The following USP42 variants were observed in gnomAD, a reference collection of about 807,000 sequenced individuals.
USP42 encodes ubiquitin specific peptidase 42.
Under a neutral mutation model 113.0 loss-of-function variants are expected in USP42, and 23 were observed. The ratio of observed to expected loss-of-function variants is 0.20; its 90% CI spans 0.15 to 0.29. The LOEUF (loss-of-function observed/expected upper bound fraction) is 0.29. USP42 is among the 10% of genes least tolerant of loss of function. USP42 has a pLI of 1.00. For synonymous variants in USP42, 933 were observed against 699.0 expected, an observed-to-expected ratio of 1.33 and a Z score of -5.28; for missense variants, 2,174 against 1,779.8, an observed-to-expected ratio of 1.22 and a Z score of -3.99.
At chr7:6,142,579 T>C (rs1781492947) in intron 7 of USP42, among the ~76,000 whole-genome samples, 1 of 152,174 alleles carries the variant, frequency 6.6e-6, no homozygotes, top group Non-Finnish European at 1.5e-5. Flanking sequence ...TTCTGTTCCT[T>C]CTTTTAAAAA....
intron 12 of USP42, 52 bp downstream of exon 12, chr7:6,147,944 C>A (rs1781817427): frequency 4.6e-6 from 7 of 1,526,186 alleles, no homozygotes; most frequent in Non-Finnish European, 6.2e-6. Context: ...TAAAATGTAA[C>A]TTCAAACTCT....
Position 6,149,837 on chromosome 7 carries a change from G to T in USP42, c.1641G>T (p.Glu547Asp). The change falls in exon 13 of 18, where the codon GAG becomes GAT. Residue 547 changes from glutamate to aspartate, a missense_variant. Transcript: ENST00000306177. ...SQPNLHSNSL[E>D]NPTKPVPSST... The stretch of plus-strand genomic sequence containing the variant: ...CTAACCTTCATAGTAATTCTTTGGA[G>T]AACCCTACCAAGCCCGTTCCCTCTT... The T allele has an allele frequency of 1.9e-6, 3 of 1,614,004 alleles. No individual in the cohort carries two copies. The highest frequency in any genetic ancestry group is 2.5e-6 in the Non-Finnish European group (3 of 1,179,894).
chr7:6,110,989 A>C (rs190765486), intron 1 of USP42, 136 bp from the exon 2 acceptor site: 6 of 834,206 alleles, frequency 7.2e-6, no homozygotes, highest in Non-Finnish European at 1.1e-5. Context: ...AGAAAGTACT[A>C]TTGTTTTTAT....
the USP42 span, chr7:6,092,946 G>T: frequency 6.6e-6 from 1 of 150,874 alleles, no homozygotes; most frequent in Non-Finnish European, 1.5e-5. Context: ...TTTCATGAGA[G>T]TCTGAAGTAA....
At chr7:6,103,025 G>T (rs543691745), upstream of USP42, among the ~76,000 whole-genome samples, 1 of 151,244 alleles carries the variant, frequency 6.6e-6, no homozygotes, top group Non-Finnish European at 1.5e-5. Flanking sequence ...AGATCACCAG[G>T]GGAGGGAAAG....
At chr7:6,107,046 C>T (rs889914263) in intron 1 of USP42, among the ~76,000 whole-genome samples, 2 of 152,216 alleles carry the variant, frequency 1.3e-5, no homozygotes, top group Non-Finnish European at 2.9e-5. Flanking sequence ...ATGTGTGTAG[C>T]AGATGGAGTT....
intron 14 of USP42, among the ~76,000 whole-genome samples, chr7:6,151,493 A>G (rs756824398): frequency 2.6e-5 from 4 of 152,228 alleles, no homozygotes; most frequent in Non-Finnish European, 4.4e-5. Flanking sequence ...GCTGGAGTAC[A>G]GTGGTGCGAT....
chr7:6,121,494 A>C (rs1780223726), intron 3 of USP42, among the ~76,000 whole-genome samples: 1 of 151,856 alleles, frequency 6.6e-6, no homozygotes, highest in African/African-American at 2.4e-5. Context: ...GCATTAGGGT[A>C]ATGTTGGCAT....
chr7:6,156,922 C>T lies in USP42; in HGVS notation c.3810C>T (p.Phe1270=), dbSNP rs542504998. ...CCAGCTTGGAGACTGTCGCCCAGTT[C>T]CGGAGAGCCCAGGGTGGCTTTCCTC... ...RVTSLETVAQ[F]RRAQGGFPLS... Residue 1270 remains phenylalanine, a synonymous_variant, in exon 16 of 18, where the codon TTC becomes TTT. Coordinates refer to ENST00000306177, the MANE Select transcript of USP42 (RefSeq NM_032172.3). 2.9e-5 allele frequency: 46 copies of T among 1,613,928 alleles called. No individual in the cohort carries two copies. The African/African-American group carries it at 5.6e-4, about 20-fold the overall frequency.
At chr7:6,126,206 C>G (rs546640247) in intron 3 of USP42, among the ~76,000 whole-genome samples, 261 of 152,126 alleles carry the variant, frequency 1.7e-3, no homozygotes, top group African/African-American at 5.9e-3. Context: ...ATAATTCTCT[C>G]AAGATTGATC....
chr7:6,126,155 A>C (rs1583614892), intron 3 of USP42, among the ~76,000 whole-genome samples: 1 of 152,194 alleles, frequency 6.6e-6, no homozygotes, highest in Non-Finnish European at 1.5e-5. Flanking sequence ...TACGTGAATT[A>C]TATAGTATGT....
the USP42 span, among the ~76,000 whole-genome samples, chr7:6,091,978 TTTCTTCTTC>T: frequency 0.032 from 2,182 of 67,772 alleles, 189 homozygotes; most frequent in East Asian, 0.075. Context: ...GGACGTATTT[TTTCTTCTTC>T]TTCTTCTTCT....
In USP42 at chr7:6,154,240, G is replaced by A. The variant is rs181701655; in HGVS notation, c.2686G>A (p.Ala896Thr). 7.7e-5 allele frequency: 123 copies of A among 1,604,646 alleles called. No homozygotes were observed. Among genetic ancestry groups the A allele is most frequent in the Non-Finnish European group, 9.5e-5 (112 of 1,177,590 alleles). ...CCAGAGCTTGGGCGCACCCGAGGCC[G>A]CAGAGCGGCCGCCAGCTCCTGTGCT... The part of the protein sequence containing the change: ...PSQSLGAPEA[A>T]ERPPAPVLDM... The change falls in exon 15 of 18, where the codon GCA (alanine) becomes ACA (threonine). Residue 896 changes from alanine to threonine, a missense_variant. Ala to Thr is a moderately conservative substitution (Grantham distance 58). Transcript: ENST00000306177.
At chr7:6,122,425 A>G (rs1780277803) in intron 3 of USP42, among the ~76,000 whole-genome samples, 1 of 151,954 alleles carries the variant, frequency 6.6e-6, no homozygotes. Flanking sequence ...AGCTGAGACT[A>G]CAGACATGCA....
chr7:6,123,598 G>A (rs1208989889), intron 3 of USP42, among the ~76,000 whole-genome samples: 1 of 152,124 alleles, frequency 6.6e-6, no homozygotes, highest in Admixed American at 6.5e-5. Context: ...GGGAGGCAGA[G>A]CCTGCAGTGA....
At chr7:6,116,810 C>A in intron 3 of USP42, 1 of 533,184 alleles carries the variant, frequency 1.9e-6, no homozygotes, top group South Asian at 1.4e-5. Flanking sequence ...AATTCATTCC[C>A]CACAGACAGC....
At chr7:6,143,119 G>A in intron 8 of USP42, 105 bp downstream of exon 8, 1 of 1,144,814 alleles carries the variant, frequency 8.7e-7, no homozygotes, top group South Asian at 1.4e-5. Flanking sequence ...TTGAGTTTCT[G>A]ATACCCTCTG....
chr7:6,118,377 C>G (rs1245008078), intron 3 of USP42, among the ~76,000 whole-genome samples: 2 of 152,038 alleles, frequency 1.3e-5, no homozygotes, highest in African/African-American at 4.8e-5. Context: ...CAAAAATTAT[C>G]TGGGCTTGGC....
intron 7 of USP42, 122 bp downstream of exon 7, chr7:6,141,106 G>C (rs1167845767): frequency 4.4e-6 from 2 of 456,770 alleles, no homozygotes; most frequent in Non-Finnish European, 7.8e-6. Flanking sequence ...AATATGCTAA[G>C]ATTTCATTTG....
Sources: allele counts gnomAD v4.1 joint callset (sites outside exome capture counted in the v4.1 genomes callset), GRCh38; gene constraint gnomAD v4.1.1; transcripts MANE v1.5; gene names NCBI Gene and HGNC (gene_info 2026-07-23, HGNC 2026-07-21).